The following ZNF678 variants were observed in gnomAD, a reference collection of about 807,000 sequenced individuals.
ZNF678 encodes the protein zinc finger protein 678, also known as hypothetical protein MGC42493.
In ZNF678, 5 loss-of-function variants were observed where a neutral mutation model predicts 3.0. The observed-to-expected ratio is 1.69, with a 90% CI of 0.88 to 3.56. The LOEUF is 3.56. Among genes scored for constraint, ZNF678 ranks in the 30% most tolerant of loss-of-function variants. ZNF678 has a pLI of 0.00. For synonymous variants in ZNF678, 218 were observed against 199.6 expected (o/e 1.09, Z -0.78); for missense variants, 593 against 605.0 (o/e 0.98, Z 0.21).
In ZNF678 at chr1:227,655,832, C is replaced by A; in HGVS notation, c.*4C>A. 1 of 1,554,994 alleles carries A rather than the reference C, an allele frequency of 6.4e-7. No homozygotes were observed. The highest frequency in any genetic ancestry group is 8.7e-7 in the Non-Finnish European group (1 of 1,155,624). ...TAAAAAATGTGGCAGTCTTTAAAAACTGCTTCATTATACATGGCTTCACTA... is the reference window on the plus strand; with the variant it reads ...TAAAAAATGTGGCAGTCTTTAAAAAATGCTTCATTATACATGGCTTCACTA... On this transcript the variant is annotated 3_prime_UTR_variant, in exon 4 of 4. Transcript: ENST00000343776.
intron 1 of ZNF678, among the ~76,000 whole-genome samples, chr1:227,572,452 G>A (rs962584182): frequency 3.3e-5 from 5 of 152,214 alleles, no homozygotes; most frequent in African/African-American, 7.2e-5. Context: ...CCAAAACTGC[G>A]GATGCTTCCT....
chr1:227,607,237 T>C (rs1332775586), intron 1 of ZNF678, among the ~76,000 whole-genome samples: 1 of 152,234 alleles, frequency 6.6e-6, no homozygotes, highest in Non-Finnish European at 1.5e-5. Flanking sequence ...TAATGTTCTG[T>C]GTCTCTAGAT....
chr1:227,658,764 TG>T lies in ZNF678; in HGVS notation c.*2939del, dbSNP rs1264713803. On this transcript the variant is annotated 3_prime_UTR_variant, in exon 4 of 4. Coordinates refer to ENST00000343776, the MANE Select transcript of ZNF678 (RefSeq NM_001367909.1). The stretch of plus-strand genomic sequence containing the variant: ...ATTTGAATCATTTAATTGGCATAAT[TG>T]GGATGTACTCTACACAGTTTATAGG... The T allele has an allele frequency of 1.3e-5, 2 of 152,034 alleles. No homozygotes were observed. The highest frequency in any genetic ancestry group is 2.9e-5 in the Non-Finnish European group (2 of 67,974). 9.4% of individuals were successfully genotyped at this position (152,034 alleles called of 1,614,324 possible).
intron 1 of ZNF678, 25 bp downstream of exon 1, chr1:227,563,749 C>G (rs1216449428): frequency 7.6e-7 from 1 of 1,311,298 alleles, no homozygotes; most frequent in Admixed American, 2.3e-5. Context: ...GAGGGTGTTC[C>G]AAGATGGCGG....
chr1:227,675,862 A>T (rs1659669813), intron 5 of ZNF678, among the ~76,000 whole-genome samples: 1 of 152,212 alleles, frequency 6.6e-6, no homozygotes. Context: ...TGGTAAACTC[A>T]TGTTAAGAAT....
intron 1 of ZNF678, among the ~76,000 whole-genome samples, chr1:227,596,597 C>G (rs750757892): frequency 2.0e-5 from 3 of 152,208 alleles, no homozygotes; most frequent in Admixed American, 6.5e-5. Context: ...TTTACTTCTT[C>G]TTTCTTTGGA....
intron 1 of ZNF678, among the ~76,000 whole-genome samples, chr1:227,567,493 C>T (rs953572546): frequency 9.2e-5 from 14 of 152,062 alleles, no homozygotes; most frequent in African/African-American, 3.1e-4. Context: ...CACACAAGCA[C>T]GGAAGAGCCC....
chr1:227,565,726 T>C (rs951058674), intron 1 of ZNF678, among the ~76,000 whole-genome samples: 1 of 152,232 alleles, frequency 6.6e-6, no homozygotes, highest in Non-Finnish European at 1.5e-5. Flanking sequence ...CTTTGGAAAC[T>C]TTACAGCTGG....
At chr1:227,610,566 C>A (rs1283878783) in intron 1 of ZNF678, among the ~76,000 whole-genome samples, 1 of 152,138 alleles carries the variant, frequency 6.6e-6, no homozygotes, top group African/African-American at 2.4e-5. Context: ...AGAATACCTG[C>A]CAGGGTCATC....
chr1:227,583,905 A>G (rs1657195063), intron 1 of ZNF678, among the ~76,000 whole-genome samples: 1 of 152,196 alleles, frequency 6.6e-6, no homozygotes. Flanking sequence ...TCAAACTAAT[A>G]CAGCATGGCC....
chr1:227,596,255 C>G (rs535002071), intron 1 of ZNF678, among the ~76,000 whole-genome samples: 4 of 152,350 alleles, frequency 2.6e-5, no homozygotes, highest in Admixed American at 1.3e-4. Context: ...ACTTCCCAGT[C>G]AGGGAACCAA....
chr1:227,596,011 C>T (rs1657576453), intron 1 of ZNF678, among the ~76,000 whole-genome samples: 1 of 152,206 alleles, frequency 6.6e-6, no homozygotes, highest in Non-Finnish European at 1.5e-5. Flanking sequence ...TACCAAGTTT[C>T]AGATGTCCGG....
intron 1 of ZNF678, among the ~76,000 whole-genome samples, chr1:227,619,494 C>T (rs1178152761): frequency 6.6e-6 from 1 of 152,038 alleles, no homozygotes; most frequent in Admixed American, 6.6e-5. Flanking sequence ...ATAGTTAACC[C>T]TTTTATGCCT....
chr1:227,642,556 C>T (rs760048917), intron 1 of ZNF678, among the ~76,000 whole-genome samples: 1 of 152,062 alleles, frequency 6.6e-6, no homozygotes, highest in Non-Finnish European at 1.5e-5. Flanking sequence ...GGTAGTATCC[C>T]ACATGGATCC....
intron 5 of ZNF678, among the ~76,000 whole-genome samples, chr1:227,675,636 A>G (rs1659665713): frequency 6.6e-6 from 1 of 151,614 alleles, no homozygotes; most frequent in Admixed American, 6.6e-5. Context: ...CACTTAAAAT[A>G]CATTTTTTTT....
chr1:227,633,597 T>A (rs1222674522), intron 1 of ZNF678, among the ~76,000 whole-genome samples: 1 of 152,150 alleles, frequency 6.6e-6, no homozygotes, highest in Non-Finnish European at 1.5e-5. Context: ...GGCATTGAAC[T>A]CAGTGCTGCC....
chr1:227,637,157 T>A (rs1558150910), intron 1 of ZNF678, among the ~76,000 whole-genome samples: 1 of 152,092 alleles, frequency 6.6e-6, no homozygotes, highest in Non-Finnish European at 1.5e-5. Flanking sequence ...GGTCTTAGGT[T>A]TGGAAGAGGT....
At chr1:227,592,062 G>A (rs1205458362) in intron 1 of ZNF678, among the ~76,000 whole-genome samples, 4 of 152,186 alleles carry the variant, frequency 2.6e-5, no homozygotes, top group African/African-American at 9.7e-5. Flanking sequence ...GGATGTTTAA[G>A]GATGGTCTCA....
At position 227,655,356 on chromosome 1, in the gene ZNF678, G is replaced by T. The variant is rs767354156; in HGVS notation, c.1106G>T (p.Arg369Ile). ...TTCTCAAACCTCACTCAGCATAAAA[G>T]AATTCATACTGGAGAGAAACCCTAC... ...TQFSNLTQHK[R>I]IHTGEKPYKC... Residue 369 changes from arginine (R) to isoleucine (I), a missense_variant, in exon 4 of 4, where the codon AGA (arginine) becomes ATA (isoleucine). Transcript: ENST00000343776. 28 of 1,612,440 alleles carry T rather than the reference G, an allele frequency of 1.7e-5. 1 individual carries two copies. In the South Asian group the frequency reaches 1.9e-4, roughly 11 times the overall value.
Sources: allele counts gnomAD v4.1 joint callset (sites outside exome capture counted in the v4.1 genomes callset), GRCh38; gene constraint gnomAD v4.1.1; transcripts MANE v1.5; gene names NCBI Gene and HGNC (gene_info 2026-07-23, HGNC 2026-07-21).